Variants in SNAI1 observed in about 807,000 individuals in gnomAD.
SNAI1 encodes the protein zinc finger protein SNAI1.
A neutral mutation model predicts 24.7 loss-of-function variants in SNAI1; 15 were observed. The ratio of observed to expected loss-of-function variants is 0.61; its 90% CI spans 0.41 to 0.93. The LOEUF (loss-of-function observed/expected upper bound fraction) is 0.93. Among genes scored for constraint, SNAI1 ranks in the 40% least tolerant of loss-of-function variants. The pLI is 0.00. For synonymous variants in SNAI1, 163 were observed against 142.9 expected, an observed-to-expected ratio of 1.14 and a Z score of -1.00; for missense variants, 283 against 336.7, an observed-to-expected ratio of 0.84 and a Z score of 1.25.
chr20:49,983,163 C>G (rs373596045), intron 1 of SNAI1, 22 bp downstream of exon 1: 1 of 1,595,236 alleles, frequency 6.3e-7, no homozygotes, highest in African/African-American at 1.3e-5. Flanking sequence ...GGGTTCTGGG[C>G]TCCAGGAGGT....
chr20:49,986,331 G>A lies in SNAI1; in HGVS notation c.611-1541G>A, dbSNP rs1353292985. ...TGGCGAGTTTCCATTTCTGCCCCATGAGACTGAGTCCAGCTCTCAGGCGCT... is the reference window on the plus strand; with the variant it reads ...TGGCGAGTTTCCATTTCTGCCCCATAAGACTGAGTCCAGCTCTCAGGCGCT... On this transcript the variant is annotated intron_variant, in intron 2 of 2. Transcript: ENST00000244050. Among the ~76,000 whole-genome samples, 3 of 152,122 alleles carry A rather than the reference G, an allele frequency of 2.0e-5. No individual in the cohort carries two copies. The South Asian group carries it at 6.2e-4, about 32-fold the overall frequency.
At chr20:49,986,353 C>T (rs146604368) in intron 2 of SNAI1, among the ~76,000 whole-genome samples, 3 of 152,074 alleles carry the variant, frequency 2.0e-5, no homozygotes, top group East Asian at 1.9e-4. Context: ...AGCTCTCAGG[C>T]GCTCCATAAG....
At position 49,983,013 on chromosome 20, in the gene SNAI1, T is replaced by A. The variant is rs776784636; in HGVS notation, c.-47T>A. 4 of 1,423,486 alleles carry A rather than the reference T, an allele frequency of 2.8e-6. No individual in the cohort carries two copies. Among genetic ancestry groups the A allele is most frequent in the Non-Finnish European group, 3.9e-6 (4 of 1,026,826 alleles). 88.2% of individuals were successfully genotyped at this position (1,423,486 alleles called of 1,614,324 possible). On this transcript the variant is annotated 5_prime_UTR_variant, in exon 1 of 3. Coordinates refer to ENST00000244050, the MANE Select transcript of SNAI1 (RefSeq NM_005985.4). ...GCGGCACGGCCTAGCGAGTGGTTCT[T>A]CTGCGCTACTGCTGCGCGAATCGGC... is the stretch of plus-strand genomic sequence containing the variant.
At chr20:49,986,643 A>G (rs78220270) in intron 2 of SNAI1, among the ~76,000 whole-genome samples, 2,573 of 152,186 alleles carry the variant, frequency 0.017, 71 homozygotes, top group African/African-American at 0.058. Flanking sequence ...ATTAAAAAAA[A>G]AATTATAGAC....
At position 49,988,406 on chromosome 20, in the gene SNAI1, A is replaced by G; in HGVS notation, c.*350A>G. ...GACAAAGGCTGACAGACTCACTGGG[A>G]AGCTCCCACCCCACTCAGGGGACCC... On this transcript the variant is annotated 3_prime_UTR_variant, in exon 3 of 3. Coordinates refer to ENST00000244050, the MANE Select transcript of SNAI1 (RefSeq NM_005985.4). 5.1e-6 allele frequency: 1 copy of G among 197,948 alleles called. No homozygotes were observed. Among genetic ancestry groups the G allele is most frequent in the Non-Finnish European group, 1.0e-5 (1 of 97,622 alleles). The allele number at this position is 197,948 out of a possible 1,614,324, so 12.3% of individuals were successfully genotyped here.
chr20:49,982,986 C>A lies in SNAI1; in HGVS notation c.-74C>A. 2.1e-6 allele frequency: 2 copies of A among 972,138 alleles called. No individual in the cohort carries two copies. Among genetic ancestry groups the A allele is most frequent in the African/African-American group, 3.3e-5 (2 of 59,906 alleles). 60.2% of individuals were successfully genotyped at this position (972,138 alleles called of 1,614,324 possible). On this transcript the variant is annotated 5_prime_UTR_variant, in exon 1 of 3. Coordinates refer to ENST00000244050, the MANE Select transcript of SNAI1 (RefSeq NM_005985.4). Reference sequence around the variant, plus strand: ...TGGCGGCGCTGCTGCATTCATTGCGCCGCGGCACGGCCTAGCGAGTGGTTC... The same window carrying A: ...TGGCGGCGCTGCTGCATTCATTGCGACGCGGCACGGCCTAGCGAGTGGTTC...
rs1047920 is a variant in SNAI1 at position 49,988,570 on chromosome 20, C to T, written c.*514C>T. 0.088 allele frequency: 13,487 copies of T among 152,846 alleles called. 700 individuals carry two copies. The highest frequency in any genetic ancestry group is 0.14 in the African/African-American group (5,942 of 41,530). The allele number at this position is 152,846 out of a possible 1,614,324, so 9.5% of individuals were successfully genotyped here. On this transcript the variant is annotated 3_prime_UTR_variant, in exon 3 of 3. Coordinates refer to ENST00000244050, the MANE Select transcript of SNAI1 (RefSeq NM_005985.4). ...TGGCAGACTAGAGTCTGAGATGCCC[C>T]GAGCCCAGGCAGCTATTTCAGCCTC... is the stretch of plus-strand genomic sequence containing the variant.
chr20:49,983,780 G>C (rs749307692), intron 1 of SNAI1, 44 bp from the exon 2 acceptor site: 7 of 1,522,730 alleles, frequency 4.6e-6, no homozygotes, highest in Non-Finnish European at 6.2e-6. Context: ...TGTTGATTGA[G>C]TGAATGATTT....
chr20:49,988,089 C>A lies in SNAI1; in HGVS notation c.*33C>A. ...GGCTCCCTCTTCCTCTCCATACCTG[C>A]CCCTGCCTGACAGCCTTCCCCAGCT... On this transcript the variant is annotated 3_prime_UTR_variant, in exon 3 of 3. Coordinates refer to ENST00000244050, the MANE Select transcript of SNAI1 (RefSeq NM_005985.4). The A allele has an allele frequency of 6.5e-7, 1 of 1,539,680 alleles. No homozygotes were observed. Among genetic ancestry groups the A allele is most frequent in the Non-Finnish European group, 8.8e-7 (1 of 1,136,468 alleles).
At position 49,982,983 on chromosome 20, in the gene SNAI1, GCGC is replaced by G; in HGVS notation, c.-73_-71del. On this transcript the variant is annotated 5_prime_UTR_variant, in exon 1 of 3. Coordinates refer to ENST00000244050, the MANE Select transcript of SNAI1 (RefSeq NM_005985.4). The stretch of plus-strand genomic sequence containing the variant: ...AGTTGGCGGCGCTGCTGCATTCATT[GCGC>G]CGCGGCACGGCCTAGCGAGTGGTTC... The G allele has an allele frequency of 1.2e-6, 1 of 827,684 alleles. No homozygotes were observed. The highest frequency in any genetic ancestry group is 1.9e-6 in the Non-Finnish European group (1 of 525,642). 51.3% of individuals were successfully genotyped at this position (827,684 alleles called of 1,614,324 possible). A position where few individuals can be genotyped will look rare whatever the true frequency, so the allele number is the denominator to read the frequency against.
rs2078327375 is a variant in SNAI1 at position 49,984,330 on chromosome 20, G to A, written c.589G>A (p.Gly197Ser). The part of the protein sequence containing the change: ...KAFSRPWLLQ[G>S]HVRTHTGEKP... The stretch of plus-strand genomic sequence containing the variant: ...CTTCTCTAGGCCCTGGCTGCTACAA[G>A]GCCATGTCCGGACCCACACTGGTAC... Residue 197 changes from glycine (G) to serine (S), a missense_variant, in exon 2 of 3, where the codon GGC (glycine) becomes AGC (serine). Gly to Ser is a moderately conservative substitution (Grantham distance 56). Transcript: ENST00000244050. 6.2e-7 allele frequency: 1 copy of A among 1,606,352 alleles called. No individual in the cohort carries two copies.
rs1265512274 is a variant in SNAI1, at chr20:49,988,602, G to C, written c.*546G>C. 6.5e-6 allele frequency: 1 copy of C among 152,828 alleles called. No homozygotes were observed. The highest frequency in any genetic ancestry group is 2.4e-5 in the African/African-American group (1 of 41,450). 9.5% of individuals were successfully genotyped at this position (152,828 alleles called of 1,614,324 possible). On this transcript the variant is annotated 3_prime_UTR_variant, in exon 3 of 3. Transcript: ENST00000244050. ...AGGCAGCTATTTCAGCCTCCTGTTT[G>C]GTGGGGTGGCACCTGTTTCCCGGGC...
intron 1 of SNAI1, 82 bp downstream of exon 1, chr20:49,983,223 C>A: frequency 9.4e-7 from 1 of 1,059,558 alleles, no homozygotes; most frequent in Non-Finnish European, 1.4e-6. Flanking sequence ...GGGAGGCGGC[C>A]TGCCTGAGCC....
intron 2 of SNAI1, among the ~76,000 whole-genome samples, chr20:49,985,798 C>T (rs544235397): frequency 1.1e-4 from 16 of 152,330 alleles, no homozygotes; most frequent in African/African-American, 2.9e-4. Context: ...CCGGGGATAT[C>T]GCATGTACAG....
Position 49,983,010 on chromosome 20 carries a change from T to A in SNAI1, c.-50T>A, listed in dbSNP as rs201084030. On this transcript the variant is annotated 5_prime_UTR_variant, in exon 1 of 3. Coordinates refer to ENST00000244050, the MANE Select transcript of SNAI1 (RefSeq NM_005985.4). Reference sequence around the variant, plus strand: ...GCCGCGGCACGGCCTAGCGAGTGGTTCTTCTGCGCTACTGCTGCGCGAATC... The same window carrying A: ...GCCGCGGCACGGCCTAGCGAGTGGTACTTCTGCGCTACTGCTGCGCGAATC... 1.0e-5 allele frequency: 14 copies of A among 1,336,146 alleles called. No homozygotes were observed. In the East Asian group the frequency reaches 2.9e-4, roughly 28 times the overall value. 82.8% of individuals were successfully genotyped at this position (1,336,146 alleles called of 1,614,324 possible).
In SNAI1 at chr20:49,984,044, G is replaced by GC. The variant is rs1327219565; in HGVS notation, c.309dup (p.Ser104GlnfsTer41). 6.2e-7 allele frequency: 1 copy of GC among 1,613,726 alleles called. No homozygotes were observed. Among genetic ancestry groups the GC allele is most frequent in the Non-Finnish European group, 8.5e-7 (1 of 1,179,790 alleles). ...ATGAGGACAGTGGGAAAGGCTCCCA[G>GC]CCCCCCAGCCCACCCTCACCGGCTC... On this transcript the variant is annotated frameshift_variant, in exon 2 of 3. Coordinates refer to ENST00000244050, the MANE Select transcript of SNAI1 (RefSeq NM_005985.4). LOFTEE classifies it high-confidence loss of function.
Position 49,984,304 on chromosome 20 carries a change from C to T in SNAI1, c.563C>T (p.Ala188Val). Residue 188 changes from alanine to valine, a missense_variant, in exon 2 of 3, where the codon GCC becomes GTC. By Grantham distance (64) the Ala-to-Val change is moderately conservative (BLOSUM62 0). Transcript: ENST00000244050. ...TGCGTCTGCGGAACCTGCGGGAAGG[C>T]CTTCTCTAGGCCCTGGCTGCTACAA... ...LPCVCGTCGK[A>V]FSRPWLLQGH... 1 of 1,612,528 alleles carries T rather than the reference C, an allele frequency of 6.2e-7. No individual in the cohort carries two copies. Among genetic ancestry groups the T allele is most frequent in the Non-Finnish European group, 8.5e-7 (1 of 1,179,420 alleles).
At chr20:49,984,659 C>A (rs533640832) in intron 2 of SNAI1, among the ~76,000 whole-genome samples, 4 of 152,230 alleles carry the variant, frequency 2.6e-5, no homozygotes, top group Middle Eastern at 3.2e-3. Context: ...GGGGCCCACC[C>A]GGCCACACCC....
chr20:49,988,213 C>G lies in SNAI1; in HGVS notation c.*157C>G. On this transcript the variant is annotated 3_prime_UTR_variant, in exon 3 of 3. Transcript: ENST00000244050. ...AGCCCCACAGGACTTTGATGAAGAC[C>G]ATTTTCTGGTTCTGTGTCCTCTGCC... 3.1e-6 allele frequency: 2 copies of G among 640,118 alleles called. No individual in the cohort carries two copies. The highest frequency in any genetic ancestry group is 5.2e-6 in the Non-Finnish European group (2 of 383,062). The allele number at this position is 640,118 out of a possible 1,614,324, so 39.7% of individuals were successfully genotyped here. A position where few individuals can be genotyped will look rare whatever the true frequency, so the allele number is the denominator to read the frequency against.
Sources: gnomAD v4.1 joint callset for allele counts (sites outside exome capture counted in the v4.1 genomes callset) on GRCh38, gnomAD v4.1.1 for gene constraint, MANE v1.5 for transcripts, NCBI Gene and HGNC (gene_info 2026-07-23, HGNC 2026-07-21) for gene names.